Variants in CLPB observed in about 807,000 individuals in gnomAD.
CLPB encodes mitochondrial disaggregase.
Under a neutral mutation model 78.4 loss-of-function variants are expected in CLPB, and 40 were observed. The observed-to-expected ratio is 0.51, with a 90% CI of 0.40 to 0.66. The LOEUF (loss-of-function observed/expected upper bound fraction) is 0.66, where lower values mean the gene tolerates loss of function less well. CLPB is among the 30% of genes least tolerant of loss of function. CLPB has a pLI of 0.00. For missense variants in CLPB, 780 were observed against 886.9 expected (o/e 0.88, Z 1.53); for synonymous variants, 333 against 348.0 (o/e 0.96, Z 0.48).
intron 4 of CLPB, among the ~76,000 whole-genome samples, chr11:72,361,649 C>A (rs1322759024): frequency 6.6e-6 from 1 of 152,170 alleles, no homozygotes; most frequent in African/African-American, 2.4e-5. Flanking sequence ...CACTGAACTG[C>A]CACATAGGAC....
intron 9 of CLPB, chr11:72,302,586 A>G: frequency 2.0e-6 from 1 of 490,832 alleles, no homozygotes; most frequent in Non-Finnish European, 3.7e-6. Flanking sequence ...GACCTTCTAA[A>G]TCTGACTTGG....
chr11:72,313,885 A>AAGGGC (rs1376873991), intron 7 of CLPB, among the ~76,000 whole-genome samples: 1 of 152,212 alleles, frequency 6.6e-6, no homozygotes, highest in African/African-American at 2.4e-5. Flanking sequence ...GACAACGTGG[A>AAGGGC]AGGGCAGGGC....
chr11:72,430,275 T>G, intron 2 of CLPB, 37 bp downstream of exon 2: 1 of 1,602,728 alleles, frequency 6.2e-7, no homozygotes. Flanking sequence ...GCTCAGCCTC[T>G]CCTGTAGGGG....
chr11:72,404,687 G>C (rs1254378396), intron 2 of CLPB, among the ~76,000 whole-genome samples: 1 of 152,202 alleles, frequency 6.6e-6, no homozygotes, highest in Non-Finnish European at 1.5e-5. Context: ...AAGCAGGTGA[G>C]GGAGGGGAAG....
intron 3 of CLPB, among the ~76,000 whole-genome samples, chr11:72,394,501 G>A (rs540676718): frequency 6.6e-5 from 10 of 152,218 alleles, no homozygotes; most frequent in African/African-American, 2.4e-4. Flanking sequence ...AGAACCCCAG[G>A]ACAGAACAGA....
intron 11 of CLPB, among the ~76,000 whole-genome samples, chr11:72,300,755 A>G (rs1396383034): frequency 2.0e-5 from 3 of 152,172 alleles, no homozygotes; most frequent in Admixed American, 6.5e-5. Flanking sequence ...CTAGGTAGAA[A>G]GGTGAGCTGG....
intron 7 of CLPB, among the ~76,000 whole-genome samples, chr11:72,308,905 G>T (rs1444047914): frequency 1.3e-5 from 2 of 152,184 alleles, no homozygotes; most frequent in South Asian, 2.1e-4. Flanking sequence ...GGAGGTGAAG[G>T]GGGTGGGGGA....
chr11:72,356,608 G>A (rs1247461501), intron 5 of CLPB, among the ~76,000 whole-genome samples: 1 of 152,200 alleles, frequency 6.6e-6, no homozygotes, highest in Non-Finnish European at 1.5e-5. Context: ...GGGTGTAAAT[G>A]TATGCTGGCT....
At position 72,325,127 on chromosome 11, in the gene CLPB, A is replaced by T. The variant is rs138316880; in HGVS notation, c.873+4580T>A. ...CCCTCAGCTGAATATTCATCATGGG[A>T]TAGCTCCACATATTTTTGTTTTATC... On this transcript the variant is annotated intron_variant, in intron 6 of 15. Transcript: ENST00000538039. 6.4e-3 allele frequency among the ~76,000 whole-genome samples: 970 copies of T among 152,200 alleles called. 11 individuals carry two copies. The highest frequency in any genetic ancestry group is 0.022 in the African/African-American group (931 of 41,510).
chr11:72,285,868 TG>T lies in CLPB; in HGVS notation c.*7498del, dbSNP rs889161569. ...TTTGATACTGTTTCTAGTTGATTAT[TG>T]CTAGAATACAGAAAAAACAATTGAT... On this transcript the variant is annotated 3_prime_UTR_variant, in exon 16 of 16. Coordinates refer to ENST00000538039, the MANE Select transcript of CLPB (RefSeq NM_001258392.3). The T allele has an allele frequency of 3.7e-4, 57 of 152,328 alleles. No homozygotes were observed. The highest frequency in any genetic ancestry group is 1.3e-3 in the African/African-American group (52 of 41,574). The allele number at this position is 152,328 out of a possible 1,614,324, so 9.4% of individuals were successfully genotyped here.
At chr11:72,384,085 CAG>C (rs2135686277) in intron 3 of CLPB, among the ~76,000 whole-genome samples, 1 of 152,200 alleles carries the variant, frequency 6.6e-6, no homozygotes, top group East Asian at 1.9e-4. Flanking sequence ...GCTTGCGGGG[CAG>C]AGATTGTAGT....
intron 12 of CLPB, 33 bp from the exon 13 acceptor site, chr11:72,294,726 C>T (rs767183048): frequency 6.3e-7 from 1 of 1,581,264 alleles, no homozygotes; most frequent in East Asian, 2.2e-5. Context: ...GCTTATTCCC[C>T]ACATTCAGGG....
At chr11:72,302,164 G>T (rs1159639852) in intron 10 of CLPB, 140 bp downstream of exon 10, 3 of 1,000,412 alleles carry the variant, frequency 3.0e-6, no homozygotes, top group Non-Finnish European at 4.5e-6. Context: ...AAACAAATCA[G>T]TGACCCTGCT....
At chr11:72,404,105 C>G (rs984066953) in intron 2 of CLPB, among the ~76,000 whole-genome samples, 1 of 152,208 alleles carries the variant, frequency 6.6e-6, no homozygotes, top group African/African-American at 2.4e-5. Context: ...CTCCTTCTCA[C>G]CTCACCACCC....
chr11:72,293,304 C>T lies in CLPB; in HGVS notation c.*63G>A. 6.4e-7 allele frequency: 1 copy of T among 1,573,748 alleles called. No individual in the cohort carries two copies. Among genetic ancestry groups the T allele is most frequent in the Non-Finnish European group, 8.7e-7 (1 of 1,155,368 alleles). The stretch of plus-strand genomic sequence containing the variant: ...GCATGAGGGGAAGGTAAGTCAGTTG[C>T]CATGCCACAGCCAAGGGGCCTTTAT... On this transcript the variant is annotated 3_prime_UTR_variant, in exon 16 of 16. Transcript: ENST00000538039.
chr11:72,363,016 C>T (rs1206361144), intron 4 of CLPB, among the ~76,000 whole-genome samples: 1 of 151,922 alleles, frequency 6.6e-6, no homozygotes, highest in African/African-American at 2.4e-5. Context: ...ATTAGCTGGG[C>T]GTGGTGGCGC....
intron 4 of CLPB, among the ~76,000 whole-genome samples, chr11:72,359,731 T>C (rs1336460140): frequency 1.3e-5 from 2 of 152,240 alleles, no homozygotes; most frequent in East Asian, 1.9e-4. Context: ...GTATCCCCTA[T>C]AAAATTGGAA....
At chr11:72,335,010 T>C (rs1950294311) in intron 5 of CLPB, among the ~76,000 whole-genome samples, 1 of 152,280 alleles carries the variant, frequency 6.6e-6, no homozygotes, top group Admixed American at 6.5e-5. Context: ...GAAAAAAGTT[T>C]AGTGGAGTGA....
At chr11:72,413,126 T>C (rs1336268164) in intron 2 of CLPB, among the ~76,000 whole-genome samples, 2 of 151,684 alleles carry the variant, frequency 1.3e-5, no homozygotes, top group African/African-American at 4.8e-5. Flanking sequence ...CCGTCTCTAC[T>C]AAAAAATACA....
Sources: gnomAD v4.1 joint callset for allele counts (sites outside exome capture counted in the v4.1 genomes callset) on GRCh38, gnomAD v4.1.1 for gene constraint, MANE v1.5 for transcripts, NCBI Gene and HGNC (gene_info 2026-07-23, HGNC 2026-07-21) for gene names.